ATF7IP: variants seen among roughly 807,000 people sequenced by gnomAD.
ATF7IP encodes the protein activating transcription factor 7 interacting protein, also known as activating transcription factor 7-interacting protein 1.
ATF7IP carries 23 observed loss-of-function variants against 106.4 expected under a neutral mutation model. The ratio of observed to expected loss-of-function variants is 0.22; its 90% CI spans 0.16 to 0.31. The LOEUF (loss-of-function observed/expected upper bound fraction) is 0.31, where lower values mean the gene tolerates loss of function less well. Among genes scored for constraint, ATF7IP ranks in the 10% least tolerant of loss-of-function variants. The pLI is 1.00. For synonymous variants in ATF7IP, 542 were observed against 539.0 expected, an observed-to-expected ratio of 1.01 and a Z score of -0.08; for missense variants, 1,334 against 1,524.3, an observed-to-expected ratio of 0.88 and a Z score of 2.08.
At chr12:14,389,692 A>T (rs954214210) in intron 1 of ATF7IP, among the ~76,000 whole-genome samples, 2 of 152,024 alleles carry the variant, frequency 1.3e-5, no homozygotes, top group Admixed American at 6.5e-5. Context: ...CAATGGCGCG[A>T]TCTCGGCTCA....
At chr12:14,473,633 A>G (rs1001696101) in intron 10 of ATF7IP, among the ~76,000 whole-genome samples, 3 of 152,054 alleles carry the variant, frequency 2.0e-5, no homozygotes, top group African/African-American at 4.8e-5. Context: ...TCTTCTTCCT[A>G]TGATCCAAGT....
intron 4 of ATF7IP, among the ~76,000 whole-genome samples, chr12:14,436,653 C>T (rs1166550405): frequency 6.6e-6 from 1 of 152,164 alleles, no homozygotes; most frequent in East Asian, 1.9e-4. Flanking sequence ...GATCATGCCA[C>T]TTCACTCCAG....
chr12:14,441,829 C>T (rs1942725736), intron 5 of ATF7IP, among the ~76,000 whole-genome samples: 1 of 152,122 alleles, frequency 6.6e-6, no homozygotes, highest in Non-Finnish European at 1.5e-5. Flanking sequence ...GGATACCAAA[C>T]TCTTATTAGA....
Position 14,425,468 on chromosome 12 carries a change from C to T in ATF7IP, c.1553C>T (p.Ser518Phe), listed in dbSNP as rs1941794553. The T allele has an allele frequency of 6.5e-7, 1 of 1,540,200 alleles. No homozygotes were observed. Among genetic ancestry groups the T allele is most frequent in the Non-Finnish European group, 8.7e-7 (1 of 1,147,296 alleles). ...SEVISQNETC[S>F]PAEVESNEKD... ...GTTATATCGCAAAATGAAACGTGCT[C>T]TCCAGGTTAGCATATAACTTAAATG... The change falls in exon 2 of 15, where the codon TCT (serine) becomes TTT (phenylalanine). Residue 518 changes from serine to phenylalanine, a missense_variant. Physicochemically the swap from Ser to Phe is radical, Grantham distance 155. Around this residue, in one of 10 missense-constraint regions of ATF7IP, gnomAD observed 119 missense variants for 117.8 expected, o/e 1.01. Coordinates refer to ENST00000261168, the MANE Select transcript of ATF7IP (RefSeq NM_018179.5).
intron 13 of ATF7IP, among the ~76,000 whole-genome samples, chr12:14,493,597 A>G (rs1427848789): frequency 6.6e-6 from 1 of 152,218 alleles, no homozygotes; most frequent in Admixed American, 6.5e-5. Flanking sequence ...TCTGGCAAAA[A>G]AGCTTCATCA....
Position 14,405,744 on chromosome 12 carries a change from G to T in ATF7IP, c.-7-18165G>T, listed in dbSNP as rs1393029674. On this transcript the variant is annotated intron_variant, in intron 1 of 14. Coordinates refer to ENST00000261168, the MANE Select transcript of ATF7IP (RefSeq NM_018179.5). ...ATCTCAGCTGCCACTTTAAACTCCT[G>T]TGGGTTTTTAGTAGGGCAGTTGGAA... Among the ~76,000 whole-genome samples the T allele has an allele frequency of 2.0e-5, 3 of 151,998 alleles. No individual in the cohort carries two copies. The East Asian group carries it at 5.8e-4, about 29-fold the overall frequency.
At chr12:14,370,098 C>T (rs577231179) in intron 1 of ATF7IP, among the ~76,000 whole-genome samples, 5 of 152,128 alleles carry the variant, frequency 3.3e-5, no homozygotes, top group South Asian at 2.1e-4. Context: ...CCACTATGCC[C>T]GGCTAATTTT....
intron 12 of ATF7IP, among the ~76,000 whole-genome samples, chr12:14,480,682 T>A (rs867058622): frequency 9.9e-5 from 15 of 152,218 alleles, no homozygotes; most frequent in Non-Finnish European, 1.9e-4. Context: ...TTTTCTCTTT[T>A]AAGTCACTCC....
intron 1 of ATF7IP, among the ~76,000 whole-genome samples, chr12:14,406,888 G>A (rs543601085): frequency 1.3e-5 from 2 of 151,996 alleles, no homozygotes; most frequent in South Asian, 2.1e-4. Context: ...CACCATGCCC[G>A]GACAGTGTTT....
intron 1 of ATF7IP, among the ~76,000 whole-genome samples, chr12:14,413,942 A>G (rs900827891): frequency 5.3e-5 from 8 of 152,190 alleles, no homozygotes; most frequent in African/African-American, 1.9e-4. Context: ...ATAATAAAAA[A>G]TTATATGTGT....
intron 1 of ATF7IP, among the ~76,000 whole-genome samples, chr12:14,414,343 C>T (rs1349346362): frequency 6.6e-6 from 1 of 152,148 alleles, no homozygotes; most frequent in Non-Finnish European, 1.5e-5. Context: ...TAATGTACAC[C>T]ATGTCTAAGC....
chr12:14,398,376 T>A (rs1939971188), intron 1 of ATF7IP, among the ~76,000 whole-genome samples: 1 of 143,394 alleles, frequency 7.0e-6, no homozygotes, highest in African/African-American at 2.5e-5. Flanking sequence ...GATTTCCTCC[T>A]ACATCTAAAA....
At chr12:14,497,394 CTTT>C (rs1039438854) in intron 14 of ATF7IP, among the ~76,000 whole-genome samples, 1 of 152,030 alleles carries the variant, frequency 6.6e-6, no homozygotes, top group African/African-American at 2.4e-5. Context: ...TCAGCAGGGG[CTTT>C]TTATTTCCTA....
chr12:14,495,668 A>G (rs992476780), intron 13 of ATF7IP, among the ~76,000 whole-genome samples: 1 of 152,130 alleles, frequency 6.6e-6, no homozygotes, highest in Admixed American at 6.6e-5. Flanking sequence ...TCAACCAAGG[A>G]GCTGGGCATG....
At chr12:14,405,330 AAT>A (rs1257919176) in intron 1 of ATF7IP, among the ~76,000 whole-genome samples, 1 of 152,036 alleles carries the variant, frequency 6.6e-6, no homozygotes, top group African/African-American at 2.4e-5. Flanking sequence ...ATAGAAGATA[AAT>A]AGTTGGTACA....
At chr12:14,416,871 T>C in intron 1 of ATF7IP, 1 of 977,572 alleles carries the variant, frequency 1.0e-6, no homozygotes, top group Non-Finnish European at 1.2e-6. Context: ...ACTGAAACAT[T>C]GAAGCAGCTG....
rs926835955 is a variant in ATF7IP, at chr12:14,450,913, T to A, written c.1995+3860T>A. Among the ~76,000 whole-genome samples the A allele has an allele frequency of 2.0e-5, 3 of 152,186 alleles. No homozygotes were observed. In the East Asian group the frequency reaches 5.8e-4, roughly 29 times the overall value. The stretch of plus-strand genomic sequence containing the variant: ...GCCTCAACCTCCTGAGTAGCTGGAA[T>A]AATAGGCCTGCACCACCACGTCTGG... On this transcript the variant is annotated intron_variant, in intron 6 of 14. Transcript: ENST00000261168.
Position 14,478,389 on chromosome 12 carries a change from C to G in ATF7IP, c.3014C>G (p.Pro1005Arg). 1 of 1,614,078 alleles carries G rather than the reference C, an allele frequency of 6.2e-7. No homozygotes were observed. Among genetic ancestry groups the G allele is most frequent in the East Asian group, 2.2e-5 (1 of 44,866 alleles). ...SSQPVSRPLQ[P>R]IQPAPPLQPS... ...CAGCCTGTGTCACGACCATTGCAAC[C>G]CATACAACCAGCACCGCCTCTTCAA... The change falls in exon 12 of 15, where the codon CCC (proline) becomes CGC (arginine). Residue 1005 changes from proline (P) to arginine (R), a missense_variant. By Grantham distance (103) the Pro-to-Arg change is moderately radical (BLOSUM62 -2). Coordinates refer to ENST00000261168, the MANE Select transcript of ATF7IP (RefSeq NM_018179.5).
chr12:14,381,779 A>G (rs917218563), intron 1 of ATF7IP, among the ~76,000 whole-genome samples: 2 of 152,008 alleles, frequency 1.3e-5, no homozygotes, highest in African/African-American at 4.8e-5. Context: ...TTTTCTTTAG[A>G]TTCTATAGTT....
Sources: allele counts gnomAD v4.1 joint callset (sites outside exome capture counted in the v4.1 genomes callset), GRCh38; gene constraint gnomAD v4.1.1; regional missense constraint gnomAD v4.1.1; transcripts MANE v1.5; gene names NCBI Gene and HGNC (gene_info 2026-07-23, HGNC 2026-07-21).